Variants in FAM133B observed in about 807,000 individuals in gnomAD.
The protein encoded by FAM133B is family with sequence similarity 133 member B, also known as protein FAM133B.
In FAM133B, 25 loss-of-function variants were observed where a neutral mutation model predicts 46.4. That is an observed-to-expected ratio of 0.54 (90% CI 0.39 to 0.75). FAM133B has a LOEUF of 0.75. Among genes scored for constraint, FAM133B ranks in the 30% least tolerant of loss-of-function variants. The pLI is 0.00. For synonymous variants in FAM133B, 75 were observed against 86.0 expected (o/e 0.87, Z 0.71); for missense variants, 205 against 277.6 (o/e 0.74, Z 1.86).
rs376894205 is a variant in FAM133B, at chr7:92,577,309, A to C, written c.373-114T>G. ...AAATTTCACAAAAGGATCAGTTTCT[A>C]TATTTTTTTCTTAATACTTAATACA... On this transcript the variant is annotated intron_variant, in intron 6 of 10. Coordinates refer to ENST00000445716, the MANE Select transcript of FAM133B (RefSeq NM_152789.4). The C allele has an allele frequency of 5.9e-5, 40 of 673,600 alleles. No individual in the cohort carries two copies. The South Asian group carries it at 1.3e-3, about 22-fold the overall frequency. 41.7% of individuals were successfully genotyped at this position (673,600 alleles called of 1,614,324 possible). A position where few individuals can be genotyped will look rare whatever the true frequency, so the allele number is the denominator to read the frequency against.
chr7:92,581,750 A>C, intron 1 of FAM133B, 147 bp from the exon 2 acceptor site: 1 of 613,606 alleles, frequency 1.6e-6, no homozygotes, highest in South Asian at 2.1e-5. Flanking sequence ...ATTCTAAAAA[A>C]ATTAATTTAA....
At chr7:92,579,174 G>T in intron 3 of FAM133B, 143 bp downstream of exon 3, 3 of 348,704 alleles carry the variant, frequency 8.6e-6, no homozygotes, top group Non-Finnish European at 1.5e-5. Context: ...CAAGGGCGGC[G>T]GGGGGGGGCC....
chr7:92,564,062 G>A (rs545427092), intron 10 of FAM133B, among the ~76,000 whole-genome samples: 2 of 152,246 alleles, frequency 1.3e-5, no homozygotes, highest in Non-Finnish European at 2.9e-5. Context: ...GCTGTGTAAT[G>A]TAAGTAAGCC....
chr7:92,587,796 C>T (rs536854721), intron 1 of FAM133B, among the ~76,000 whole-genome samples: 2 of 152,054 alleles, frequency 1.3e-5, no homozygotes, highest in Non-Finnish European at 1.5e-5. Context: ...AGAGTGAGCA[C>T]TAATGTAAAC....
intron 8 of FAM133B, among the ~76,000 whole-genome samples, chr7:92,570,889 T>C (rs1229348763): frequency 6.6e-6 from 1 of 152,172 alleles, no homozygotes; most frequent in Non-Finnish European, 1.5e-5. Flanking sequence ...TTAAACACCA[T>C]TAAGATTTTT....
intron 10 of FAM133B, among the ~76,000 whole-genome samples, chr7:92,564,036 G>A (rs1247506942): frequency 6.6e-6 from 1 of 152,126 alleles, no homozygotes; most frequent in East Asian, 1.9e-4. Context: ...ATAACATTCT[G>A]ATGAAAACAC....
intron 3 of FAM133B, among the ~76,000 whole-genome samples, chr7:92,578,832 G>A (rs1794778884): frequency 6.6e-6 from 1 of 152,080 alleles, no homozygotes; most frequent in Admixed American, 6.6e-5. Flanking sequence ...GATCGCTTGA[G>A]CTCAGAAGTT....
intron 9 of FAM133B, among the ~76,000 whole-genome samples, chr7:92,568,088 A>T (rs143159112): frequency 2.5e-4 from 38 of 151,942 alleles, no homozygotes; most frequent in African/African-American, 5.1e-4. Context: ...AAAAAATAAA[A>T]TTTTTTTATT....
In FAM133B at chr7:92,563,558, C is replaced by T. The variant is rs112672377; in HGVS notation, c.658-1190G>A. ...CTTCCATTGTTTACCACATACTCTCCCAGTCACATGCTTTACATTCCACTT... is the reference window on the plus strand; with the variant it reads ...CTTCCATTGTTTACCACATACTCTCTCAGTCACATGCTTTACATTCCACTT... On this transcript the variant is annotated intron_variant, in intron 10 of 10. Coordinates refer to ENST00000445716, the MANE Select transcript of FAM133B (RefSeq NM_152789.4). 1.2e-4 allele frequency among the ~76,000 whole-genome samples: 19 copies of T among 152,234 alleles called. 1 individual carries two copies. Among genetic ancestry groups the T allele is most frequent in the African/African-American group, 4.3e-4 (18 of 41,528 alleles).
At chr7:92,574,086 A>G (rs759557209) in intron 8 of FAM133B, among the ~76,000 whole-genome samples, 1 of 152,194 alleles carries the variant, frequency 6.6e-6, no homozygotes, top group Non-Finnish European at 1.5e-5. Context: ...GCATATACCC[A>G]AGAGAAATGA....
chr7:92,579,173 C>T (rs573255638), intron 3 of FAM133B, 144 bp downstream of exon 3: 35 of 610,858 alleles, frequency 5.7e-5, no homozygotes, highest in South Asian at 4.2e-4. Context: ...ACAAGGGCGG[C>T]GGGGGGGGGC....
chr7:92,562,309 A>G lies in FAM133B; in HGVS notation c.717T>C (p.Ala239=), dbSNP rs1432930187. ...ATGGTGAGTCAGGACTTGAACTAGC[A>G]GCCTTCTTTTTCTTCTTCTTACTGT... ...KKHSKKKKKK[A]ASSSPDSP The change falls in exon 11 of 11, where the codon GCT becomes GCC. Residue 239 remains alanine (A), a synonymous_variant. Coordinates refer to ENST00000445716, the MANE Select transcript of FAM133B (RefSeq NM_152789.4). 2.0e-6 allele frequency: 3 copies of G among 1,534,510 alleles called. No individual in the cohort carries two copies. The highest frequency in any genetic ancestry group is 2.6e-6 in the Non-Finnish European group (3 of 1,146,210).
At chr7:92,576,413 C>T (rs1193505595) in intron 7 of FAM133B, among the ~76,000 whole-genome samples, 1 of 152,146 alleles carries the variant, frequency 6.6e-6, no homozygotes, top group Non-Finnish European at 1.5e-5. Flanking sequence ...TTACTGAGTA[C>T]TTTCTAGATG....
intron 1 of FAM133B, 121 bp from the exon 2 acceptor site, chr7:92,581,724 G>T: frequency 2.8e-6 from 2 of 706,280 alleles, no homozygotes; most frequent in Non-Finnish European, 2.4e-6. Flanking sequence ...TATGCAATCT[G>T]ACTAACCAAC....
At chr7:92,567,563 G>A (rs947047848) in intron 9 of FAM133B, among the ~76,000 whole-genome samples, 3 of 151,950 alleles carry the variant, frequency 2.0e-5, no homozygotes, top group Non-Finnish European at 4.4e-5. Context: ...TCTCTTTACC[G>A]AGCACCTAGG....
intron 10 of FAM133B, among the ~76,000 whole-genome samples, chr7:92,564,719 G>A (rs906473790): frequency 6.6e-6 from 1 of 152,092 alleles, no homozygotes; most frequent in Non-Finnish European, 1.5e-5. Flanking sequence ...CTTTCCCTAA[G>A]AAAATGCCTT....
intron 1 of FAM133B, among the ~76,000 whole-genome samples, chr7:92,585,105 G>C (rs1190490797): frequency 2.0e-5 from 3 of 152,150 alleles, no homozygotes; most frequent in Non-Finnish European, 4.4e-5. Context: ...AATCAACTGA[G>C]TCTCAGCCAA....
intron 10 of FAM133B, among the ~76,000 whole-genome samples, chr7:92,565,121 A>G (rs1023154778): frequency 1.4e-4 from 21 of 151,540 alleles, no homozygotes; most frequent in African/African-American, 4.4e-4. Flanking sequence ...AGCTTAAGGA[A>G]GTCAAACAGA....
rs777388937 is a variant in FAM133B at position 92,578,302 on chromosome 7, A to G, written c.276+17T>C. The stretch of plus-strand genomic sequence containing the variant: ...ACTATGAGATTAAGAATAGCAATAA[A>G]CTAAAAGTGGTATTACCTGTCTTTT... On this transcript the variant is annotated intron_variant, in intron 4 of 10. Coordinates refer to ENST00000445716, the MANE Select transcript of FAM133B (RefSeq NM_152789.4). 5 of 1,611,746 alleles carry G rather than the reference A, an allele frequency of 3.1e-6. No individual in the cohort carries two copies.
Sources: gnomAD v4.1 joint callset for allele counts (sites outside exome capture counted in the v4.1 genomes callset) on GRCh38, gnomAD v4.1.1 for gene constraint, MANE v1.5 for transcripts, NCBI Gene and HGNC (gene_info 2026-07-23, HGNC 2026-07-21) for gene names.